The following TMEM179 variants were observed in gnomAD, a reference collection of about 807,000 sequenced individuals.
TMEM179 encodes the protein transmembrane protein 179A.
In TMEM179, 17 loss-of-function variants were observed where a neutral mutation model predicts 22.2. The ratio of observed to expected loss-of-function variants is 0.77; its 90% CI spans 0.52 to 1.15. The LOEUF is 1.15. TMEM179 is among the 50% of genes most tolerant of loss of function. TMEM179 has a pLI of 0.00. For synonymous variants in TMEM179, 127 were observed against 140.5 expected, an observed-to-expected ratio of 0.90 and a Z score of 0.68; for missense variants, 265 against 313.6, an observed-to-expected ratio of 0.84 and a Z score of 1.17.
rs550315508 is a variant in TMEM179, at chr14:104,595,172, A to G, written c.515T>C (p.Ile172Thr). Residue 172 changes from isoleucine (I) to threonine (T), a missense_variant, in exon 3 of 4, where the codon ATT (isoleucine) becomes ACT (threonine). Ile to Thr is a moderately conservative substitution (Grantham distance 89). Coordinates refer to ENST00000556573, the MANE Select transcript of TMEM179 (RefSeq NM_001286389.2). This position sits in a 1 kb window ranked among gnomAD's most constrained non-coding sequence, Gnocchi z 5.7. ...DNSAFYDQFA[I>T]AQFGLWASWL... ...TTGCCCAGAGCCCCCTACCTGGGCAATTGCAAACTGATCGTAGAAGGCGGA... is the reference window on the plus strand; with the variant it reads ...TTGCCCAGAGCCCCCTACCTGGGCAGTTGCAAACTGATCGTAGAAGGCGGA... The G allele has an allele frequency of 6.2e-7, 1 of 1,613,738 alleles. No individual in the cohort carries two copies. The highest frequency in any genetic ancestry group is 1.7e-5 in the Admixed American group (1 of 59,996).
chr14:104,598,694 G>A (rs1002116321), intron 1 of TMEM179, among the ~76,000 whole-genome samples: 1 of 152,202 alleles, frequency 6.6e-6, no homozygotes, highest in Admixed American at 6.5e-5. Context: ...GCGACACCAG[G>A]CTGCTTTGTA....
At chr14:104,598,375 A>G (rs564600816) in intron 1 of TMEM179, among the ~76,000 whole-genome samples, 156 of 152,316 alleles carry the variant, frequency 1.0e-3, no homozygotes, top group Non-Finnish European at 1.7e-3. Flanking sequence ...CTGTCAGCAC[A>G]CTGGATCTAA....
rs1242364772 is a variant in TMEM179 at position 104,604,750 on chromosome 14, CG to C, written c.-10del. ...AAATTGTTGAGCGCCATGGCCGGCC[CG>C]GGCGAGAGCGGCGGCGGGAAGGCCG... On this transcript the variant is annotated 5_prime_UTR_variant, in exon 1 of 4. Transcript: ENST00000556573. The surrounding 1 kb of genome is among the most constrained non-coding windows in gnomAD (Gnocchi z 4.6). 6.6e-7 allele frequency: 1 copy of C among 1,521,028 alleles called. No homozygotes were observed. Among genetic ancestry groups the C allele is most frequent in the African/African-American group, 1.4e-5 (1 of 69,562 alleles). 94.2% of individuals were successfully genotyped at this position (1,521,028 alleles called of 1,614,324 possible).
chr14:104,599,820 C>T (rs1887178553), intron 1 of TMEM179, among the ~76,000 whole-genome samples: 1 of 152,064 alleles, frequency 6.6e-6, no homozygotes, highest in African/African-American at 2.4e-5. Context: ...TCTTTCAGAC[C>T]CTGAAAGACC....
Position 104,591,473 on chromosome 14 carries a change from C to T in TMEM179, c.*2006G>A, listed in dbSNP as rs985086641. 6.6e-6 allele frequency: 3 copies of T among 454,454 alleles called. No homozygotes were observed. The highest frequency in any genetic ancestry group is 4.0e-5 in the African/African-American group (2 of 50,004). 28.2% of individuals were successfully genotyped at this position (454,454 alleles called of 1,614,324 possible). ...GGCTGGAAGGGGAGACAGGGGACCC[C>T]ATCAGCTTAGGGGGCCTCGGATTCT... On this transcript the variant is annotated 3_prime_UTR_variant, in exon 4 of 4. Coordinates refer to ENST00000556573, the MANE Select transcript of TMEM179 (RefSeq NM_001286389.2).
chr14:104,594,845 C>T (rs1402710600), intron 3 of TMEM179: 6 of 1,312,712 alleles, frequency 4.6e-6, no homozygotes, highest in South Asian at 1.9e-5. Context: ...CCCCCAGGAT[C>T]TGATGCCTGG....
In TMEM179 at chr14:104,604,757, G is replaced by T; in HGVS notation, c.-16C>A. 6.6e-7 allele frequency: 1 copy of T among 1,509,330 alleles called. No homozygotes were observed. Among genetic ancestry groups the T allele is most frequent in the Non-Finnish European group, 8.8e-7 (1 of 1,133,352 alleles). 93.5% of individuals were successfully genotyped at this position (1,509,330 alleles called of 1,614,324 possible). Reference sequence around the variant, plus strand: ...TGAGCGCCATGGCCGGCCCGGGCGAGAGCGGCGGCGGGAAGGCCGCGGGAG... The same window carrying T: ...TGAGCGCCATGGCCGGCCCGGGCGATAGCGGCGGCGGGAAGGCCGCGGGAG... On this transcript the variant is annotated 5_prime_UTR_variant, in exon 1 of 4. Transcript: ENST00000556573. The surrounding 1 kb of genome is among the most constrained non-coding windows in gnomAD (Gnocchi z 4.6).
intron 1 of TMEM179, among the ~76,000 whole-genome samples, chr14:104,603,616 T>A (rs180700013): frequency 2.6e-5 from 1 of 39,118 alleles, no homozygotes; most frequent in Admixed American, 2.8e-4. Flanking sequence ...TTCACAGAGG[T>A]GGTAGATGGG....
rs1887059977 is a variant in TMEM179 at position 104,597,215 on chromosome 14, G to A, written c.306-88C>T. ...CAGGCTGCAGCCAGAAACAGGAGGG[G>A]CAGGCTCACTGGACGCCATCTCCTG... On this transcript the variant is annotated intron_variant, in intron 1 of 3. Transcript: ENST00000556573. The surrounding 1 kb of genome is among the most constrained non-coding windows in gnomAD (Gnocchi z 4.8). 5.4e-6 allele frequency: 8 copies of A among 1,487,740 alleles called. No homozygotes were observed. In the Admixed American group the frequency reaches 1.5e-4, roughly 28 times the overall value. The allele number at this position is 1,487,740 out of a possible 1,614,324, so 92.2% of individuals were successfully genotyped here.
At chr14:104,600,554 A>G (rs1887201329) in intron 1 of TMEM179, among the ~76,000 whole-genome samples, 1 of 152,172 alleles carries the variant, frequency 6.6e-6, no homozygotes, top group African/African-American at 2.4e-5. Flanking sequence ...AGCCTCTCTG[A>G]AGCACAGGTG....
At chr14:104,599,355 C>A (rs1417147126) in intron 1 of TMEM179, among the ~76,000 whole-genome samples, 1 of 152,180 alleles carries the variant, frequency 6.6e-6, no homozygotes, top group Non-Finnish European at 1.5e-5. Flanking sequence ...GAATTTGCTA[C>A]CAGGTCCCTC....
chr14:104,604,324 G>T lies in TMEM179; in HGVS notation c.305+113C>A. 8.4e-7 allele frequency: 1 copy of T among 1,189,514 alleles called. No homozygotes were observed. The highest frequency in any genetic ancestry group is 1.1e-6 in the Non-Finnish European group (1 of 892,442). The allele number at this position is 1,189,514 out of a possible 1,614,324, so 73.7% of individuals were successfully genotyped here. ...GTGAGGGCGGATTGTTGACATTTGC[G>T]GGCCTCGGAGCTGCCTGAGAGACGG... is the stretch of plus-strand genomic sequence containing the variant. On this transcript the variant is annotated intron_variant, in intron 1 of 3. Coordinates refer to ENST00000556573, the MANE Select transcript of TMEM179 (RefSeq NM_001286389.2). The surrounding 1 kb of genome is among the most constrained non-coding windows in gnomAD (Gnocchi z 4.6).
chr14:104,602,176 CT>C (rs1361653439), intron 1 of TMEM179, among the ~76,000 whole-genome samples: 1 of 152,244 alleles, frequency 6.6e-6, no homozygotes, highest in East Asian at 1.9e-4. Context: ...ATCCCTGGGC[CT>C]GCCGCCCAGT....
rs761482575 is a variant in TMEM179, at chr14:104,604,756, A to C, written c.-15T>G. ...TTGAGCGCCATGGCCGGCCCGGGCG[A>C]GAGCGGCGGCGGGAAGGCCGCGGGA... On this transcript the variant is annotated 5_prime_UTR_variant, in exon 1 of 4. Coordinates refer to ENST00000556573, the MANE Select transcript of TMEM179 (RefSeq NM_001286389.2). The surrounding 1 kb of genome is among the most constrained non-coding windows in gnomAD (Gnocchi z 4.6). The C allele has an allele frequency of 4.0e-6, 6 of 1,511,824 alleles. No homozygotes were observed. The highest frequency in any genetic ancestry group is 5.3e-6 in the Non-Finnish European group (6 of 1,134,486). 93.7% of individuals were successfully genotyped at this position (1,511,824 alleles called of 1,614,324 possible).
intron 1 of TMEM179, among the ~76,000 whole-genome samples, chr14:104,603,259 T>G (rs1306609189): frequency 6.6e-6 from 1 of 152,184 alleles, no homozygotes; most frequent in South Asian, 2.1e-4. Context: ...AACCAAGCGG[T>G]GGGCTCACAG....
intron 1 of TMEM179, among the ~76,000 whole-genome samples, chr14:104,599,289 C>T (rs563839354): frequency 1.5e-5 from 2 of 135,354 alleles, no homozygotes; most frequent in Admixed American, 7.6e-5. Flanking sequence ...GCCCCGTGCC[C>T]TCTGGCTTCC....
chr14:104,596,381 C>T (rs955806569), intron 2 of TMEM179, among the ~76,000 whole-genome samples: 1 of 152,170 alleles, frequency 6.6e-6, no homozygotes, highest in Admixed American at 6.5e-5. Context: ...AGATGATGCC[C>T]CTGCTAAGAT....
intron 1 of TMEM179, among the ~76,000 whole-genome samples, chr14:104,603,311 C>T (rs1244267698): frequency 1.3e-5 from 2 of 151,982 alleles, no homozygotes; most frequent in Non-Finnish European, 2.9e-5. Context: ...CCGCCCACAC[C>T]CCTCTGAGCC....
Position 104,604,369 on chromosome 14 carries a change from C to T in TMEM179, c.305+68G>A. ...AGACGGAGGGACTCGCGCGCCTCCC[C>T]GGGGAGGTGGGTCTGGGGGCGCTGG... On this transcript the variant is annotated intron_variant, in intron 1 of 3. Transcript: ENST00000556573. The surrounding 1 kb of genome is among the most constrained non-coding windows in gnomAD (Gnocchi z 4.6). 1 of 1,407,864 alleles carries T rather than the reference C, an allele frequency of 7.1e-7. No homozygotes were observed. Among genetic ancestry groups the T allele is most frequent in the Non-Finnish European group, 9.2e-7 (1 of 1,085,584 alleles). 87.2% of individuals were successfully genotyped at this position (1,407,864 alleles called of 1,614,324 possible).
Sources: gnomAD v4.1 joint callset for allele counts (sites outside exome capture counted in the v4.1 genomes callset) on GRCh38, gnomAD v4.1.1 for gene constraint, Gnocchi (gnomAD v3.1) non-coding constraint, MANE v1.5 for transcripts, NCBI Gene and HGNC (gene_info 2026-07-23, HGNC 2026-07-21) for gene names.